The following CACNA2D3 variants were observed in gnomAD, a reference collection of about 807,000 sequenced individuals.
CACNA2D3 encodes the protein calcium voltage-gated channel auxiliary subunit alpha2delta 3.
A neutral mutation model predicts 160.6 loss-of-function variants in CACNA2D3; 60 were observed. The observed-to-expected ratio is 0.37, with a 90% CI of 0.30 to 0.46. The LOEUF is 0.46. Ranked by LOEUF, CACNA2D3 falls within the 20% of genes least tolerant of loss-of-function variation. The pLI, the probability that CACNA2D3 is intolerant of heterozygous loss-of-function variation, is 1.00. For synonymous variants in CACNA2D3, 558 were observed against 492.9 expected (o/e 1.13, Z -1.75); for missense variants, 1,205 against 1,365.0 (o/e 0.88, Z 1.85).
chr3:54,935,323 C>T (rs144189546), intron 27 of CACNA2D3, among the ~76,000 whole-genome samples: 6 of 152,246 alleles, frequency 3.9e-5, no homozygotes, highest in African/African-American at 1.4e-4. Context: ...TGTCAGCCTT[C>T]CAGCATTCAG....
Position 54,752,603 on chromosome 3 carries a change from G to A in CACNA2D3, c.1172G>A (p.Arg391His), listed in dbSNP as rs1265001369. ...ATGCGTTTGTCTTCCCTTCAGGTTC[G>A]CATCTTCACATACCTCATTGGACGA... Reference protein sequence around the residue: ...AKYNWPDRKVRIFTYLIGREA... With the variant: ...AKYNWPDRKVHIFTYLIGREA... The change falls in exon 12 of 38, where the codon CGC becomes CAC. Residue 391 changes from arginine (R) to histidine (H), a missense_variant. This residue lies in a region of CACNA2D3 where 911 missense variants were observed against 1,002.2 expected (regional missense o/e 0.91). Transcript: ENST00000474759. 12 of 1,612,596 alleles carry A rather than the reference G, an allele frequency of 7.4e-6. No homozygotes were observed. Among genetic ancestry groups the A allele is most frequent in the Non-Finnish European group, 1.0e-5 (12 of 1,179,180 alleles).
intron 14 of CACNA2D3, among the ~76,000 whole-genome samples, chr3:54,821,442 T>C (rs906587992): frequency 1.3e-5 from 2 of 152,200 alleles, no homozygotes; most frequent in African/African-American, 4.8e-5. Flanking sequence ...GCTTAACTTG[T>C]ATGAGGACTC....
chr3:54,474,989 T>G (rs1442410069), intron 4 of CACNA2D3, among the ~76,000 whole-genome samples: 1 of 152,170 alleles, frequency 6.6e-6, no homozygotes, highest in Non-Finnish European at 1.5e-5. Context: ...ATTTGTAAAT[T>G]TATTCTACAC....
chr3:54,421,495 C>T (rs991564341), intron 4 of CACNA2D3, among the ~76,000 whole-genome samples: 1 of 151,990 alleles, frequency 6.6e-6, no homozygotes, highest in Non-Finnish European at 1.5e-5. Context: ...CAGGTGACAC[C>T]TGCTCCTGAG....
intron 2 of CACNA2D3, among the ~76,000 whole-genome samples, chr3:54,159,093 C>T (rs1193682860): frequency 6.6e-6 from 1 of 152,148 alleles, no homozygotes; most frequent in Non-Finnish European, 1.5e-5. Flanking sequence ...ATCAAACCCT[C>T]TTTAAATTAT....
At chr3:54,458,196 G>A (rs558554432) in intron 4 of CACNA2D3, among the ~76,000 whole-genome samples, 1 of 152,114 alleles carries the variant, frequency 6.6e-6, no homozygotes, top group Admixed American at 6.6e-5. Flanking sequence ...CAGTTTGGTA[G>A]TTTTCTGTAG....
intron 2 of CACNA2D3, among the ~76,000 whole-genome samples, chr3:54,225,494 A>G (rs1014085330): frequency 5.9e-5 from 9 of 152,098 alleles, no homozygotes; most frequent in African/African-American, 2.2e-4. Flanking sequence ...TGTTTCCCAT[A>G]TGTTATTTTT....
At chr3:54,766,310 A>G (rs1237602193) in intron 13 of CACNA2D3, among the ~76,000 whole-genome samples, 4 of 152,222 alleles carry the variant, frequency 2.6e-5, no homozygotes, top group Non-Finnish European at 5.9e-5. Flanking sequence ...CTATAGGAAC[A>G]AAATGAGCAA....
At chr3:54,416,452 T>A (rs1453006929) in intron 4 of CACNA2D3, among the ~76,000 whole-genome samples, 1 of 152,188 alleles carries the variant, frequency 6.6e-6, no homozygotes, top group Non-Finnish European at 1.5e-5. Context: ...CACAAATGTT[T>A]GTTAGAATCT....
chr3:54,935,838 T>C (rs1330750975), intron 27 of CACNA2D3, among the ~76,000 whole-genome samples: 1 of 152,240 alleles, frequency 6.6e-6, no homozygotes, highest in Admixed American at 6.5e-5. Context: ...ATGAGTTCTT[T>C]GATATATACA....
At chr3:54,165,991 A>G (rs1177231927) in intron 2 of CACNA2D3, among the ~76,000 whole-genome samples, 1 of 152,116 alleles carries the variant, frequency 6.6e-6, no homozygotes, top group East Asian at 1.9e-4. Flanking sequence ...AGGAGTCACA[A>G]AGGGAGGTTT....
At chr3:55,049,925 C>A (rs1190303106) in intron 35 of CACNA2D3, among the ~76,000 whole-genome samples, 3 of 150,742 alleles carry the variant, frequency 2.0e-5, no homozygotes, top group East Asian at 3.9e-4. Flanking sequence ...AGGATTGCAA[C>A]CCCTGCCTTT....
intron 3 of CACNA2D3, among the ~76,000 whole-genome samples, chr3:54,361,381 A>C (rs1264327090): frequency 2.0e-5 from 3 of 151,996 alleles, no homozygotes; most frequent in Non-Finnish European, 1.5e-5. Flanking sequence ...CTGGTTTTTG[A>C]TTCTCATTGC....
At chr3:54,630,004 A>G (rs1699200026) in intron 10 of CACNA2D3, among the ~76,000 whole-genome samples, 3 of 147,300 alleles carry the variant, frequency 2.0e-5, no homozygotes, top group African/African-American at 7.4e-5. Context: ...CAGAGTTTAC[A>G]GGGTTTCTTG....
intron 2 of CACNA2D3, among the ~76,000 whole-genome samples, chr3:54,166,615 C>T (rs1052828751): frequency 2.4e-4 from 36 of 151,916 alleles, no homozygotes; most frequent in African/African-American, 7.3e-4. Flanking sequence ...ATTTTCTTCC[C>T]CAGTACCTTT....
intron 14 of CACNA2D3, among the ~76,000 whole-genome samples, chr3:54,827,789 A>G (rs947330150): frequency 8.5e-5 from 13 of 152,312 alleles, no homozygotes; most frequent in African/African-American, 2.9e-4. Context: ...CATTTGTGAA[A>G]TAAATTAAAC....
At chr3:54,902,094 A>T (rs1414045569) in intron 27 of CACNA2D3, among the ~76,000 whole-genome samples, 2 of 152,210 alleles carry the variant, frequency 1.3e-5, no homozygotes, top group African/African-American at 4.8e-5. Context: ...CCAACAGCAG[A>T]TGGGAGACAG....
At chr3:54,899,967 G>T (rs904508646) in intron 27 of CACNA2D3, 99 bp downstream of exon 27, 3 of 821,766 alleles carry the variant, frequency 3.7e-6, no homozygotes, top group East Asian at 2.7e-5. Context: ...CTCCAAAAAG[G>T]TTTTCAAAGG....
At chr3:54,740,157 C>G (rs190625595) in intron 11 of CACNA2D3, among the ~76,000 whole-genome samples, 1 of 151,954 alleles carries the variant, frequency 6.6e-6, no homozygotes, top group Non-Finnish European at 1.5e-5. Context: ...ACGTAGTCTC[C>G]GATGGGGTAT....
Sources: allele counts gnomAD v4.1 joint callset (sites outside exome capture counted in the v4.1 genomes callset), GRCh38; gene constraint gnomAD v4.1.1; regional missense constraint gnomAD v4.1.1; transcripts MANE v1.5; gene names NCBI Gene and HGNC (gene_info 2026-07-23, HGNC 2026-07-21).